PEBP4: variants seen among roughly 807,000 people sequenced by gnomAD.
The protein encoded by PEBP4 is phosphatidylethanolamine-binding protein 4.
In PEBP4, 22 loss-of-function variants were observed where a neutral mutation model predicts 23.9. The ratio of observed to expected loss-of-function variants is 0.92; its 90% CI spans 0.66 to 1.31. PEBP4 has a LOEUF of 1.31. Among genes scored for constraint, PEBP4 ranks in the 40% most tolerant of loss-of-function variants. The pLI, the probability that PEBP4 is intolerant of heterozygous loss-of-function variation, is 0.00. For missense variants in PEBP4, 324 were observed against 281.7 expected, an observed-to-expected ratio of 1.15 and a Z score of -1.07; for synonymous variants, 112 against 99.3, an observed-to-expected ratio of 1.13 and a Z score of -0.76.
At chr8:22,919,717 G>A (rs1252858029) in intron 3 of PEBP4, among the ~76,000 whole-genome samples, 3 of 152,190 alleles carry the variant, frequency 2.0e-5, no homozygotes, top group Admixed American at 6.5e-5. Context: ...TGCCTGTTTA[G>A]GCAACTTGGG....
At chr8:22,916,222 CT>C (rs1488658882) in intron 3 of PEBP4, among the ~76,000 whole-genome samples, 2 of 152,234 alleles carry the variant, frequency 1.3e-5, no homozygotes, top group African/African-American at 2.4e-5. Flanking sequence ...AGGATTCCAG[CT>C]GGCGAAATTT....
At chr8:22,808,584 C>T (rs1429319087) in intron 4 of PEBP4, among the ~76,000 whole-genome samples, 1 of 152,200 alleles carries the variant, frequency 6.6e-6, no homozygotes, top group Admixed American at 6.5e-5. Context: ...GACTGACTAA[C>T]TCAGTCTGGG....
intron 4 of PEBP4, among the ~76,000 whole-genome samples, chr8:22,785,518 C>T (rs1167010014): frequency 6.6e-6 from 1 of 152,184 alleles, no homozygotes; most frequent in East Asian, 1.9e-4. Flanking sequence ...TGGCTTGGGA[C>T]AGATCCGCCA....
rs1014169497 is a variant in PEBP4, at chr8:22,746,458, G to A, written c.358-19238C>T. On this transcript the variant is annotated intron_variant, in intron 4 of 6. Coordinates refer to ENST00000256404, the MANE Select transcript of PEBP4 (RefSeq NM_144962.3). ...CGGTGGGGAGAGTGTTAGTCTCCTCGCGTTTGGTCAGATCTCAGCCAGAGA... is the reference window on the plus strand; with the variant it reads ...CGGTGGGGAGAGTGTTAGTCTCCTCACGTTTGGTCAGATCTCAGCCAGAGA... Among the ~76,000 whole-genome samples the A allele has an allele frequency of 1.9e-4, 29 of 152,186 alleles. No individual in the cohort carries two copies. The East Asian group carries it at 4.8e-3, about 25-fold the overall frequency.
intron 4 of PEBP4, among the ~76,000 whole-genome samples, chr8:22,808,152 T>A (rs1806542401): frequency 6.7e-6 from 1 of 149,598 alleles, no homozygotes; most frequent in Non-Finnish European, 1.5e-5. Flanking sequence ...CATCACTCCA[T>A]CCATCCATCT....
chr8:22,861,367 A>G (rs1807775769), intron 3 of PEBP4, among the ~76,000 whole-genome samples: 1 of 152,244 alleles, frequency 6.6e-6, no homozygotes. Flanking sequence ...AATCCTCACA[A>G]CAAGCCTAAG....
chr8:22,770,029 C>T (rs1260241642), intron 4 of PEBP4, among the ~76,000 whole-genome samples: 3 of 152,178 alleles, frequency 2.0e-5, no homozygotes, highest in Admixed American at 1.3e-4. Flanking sequence ...CTATGCCACG[C>T]TAACCTTCTC....
chr8:22,837,888 TTC>T (rs2063768642), intron 3 of PEBP4, among the ~76,000 whole-genome samples: 6 of 143,474 alleles, frequency 4.2e-5, no homozygotes, highest in Non-Finnish European at 6.0e-5. Context: ...GATTATTATA[TTC>T]TTTTTTTTTT....
chr8:22,882,472 A>T (rs754393343), intron 3 of PEBP4, among the ~76,000 whole-genome samples: 13 of 152,132 alleles, frequency 8.5e-5, no homozygotes, highest in Admixed American at 2.0e-4. Flanking sequence ...ATGTACCACG[A>T]CTTTTTGTCA....
At chr8:22,783,179 C>A (rs1200095306) in intron 4 of PEBP4, among the ~76,000 whole-genome samples, 1 of 152,258 alleles carries the variant, frequency 6.6e-6, no homozygotes, top group East Asian at 1.9e-4. Context: ...CTGTCTCCCC[C>A]ATTCCAACCT....
rs115624919 is a variant in PEBP4 at position 22,753,678 on chromosome 8, T to G, written c.358-26458A>C. On this transcript the variant is annotated intron_variant, in intron 4 of 6. Transcript: ENST00000256404. ...TCCACCTTGCTGAAGCCCTTCCTGG[T>G]CCACCACTCCTTGTGGAGGAGAGGG... 6.4e-3 allele frequency among the ~76,000 whole-genome samples: 970 copies of G among 152,286 alleles called. 14 individuals are homozygous for G. The highest frequency in any genetic ancestry group is 0.023 in the African/African-American group (940 of 41,556).
rs116083960 is a variant in PEBP4, at chr8:22,763,720, G to A, written c.358-36500C>T. ...TGTTAGAAAGTTTGCCTTCTCAACC[G>A]AGCTCTTTCTCCCCCAAACAACTAC... On this transcript the variant is annotated intron_variant, in intron 4 of 6. Transcript: ENST00000256404. Among the ~76,000 whole-genome samples the A allele has an allele frequency of 9.5e-3, 1,441 of 152,202 alleles. 22 individuals are homozygous for A. The highest frequency in any genetic ancestry group is 0.032 in the African/African-American group (1,326 of 41,512).
chr8:22,937,331 ACT>A (rs1260171439), intron 1 of PEBP4, among the ~76,000 whole-genome samples: 2 of 152,172 alleles, frequency 1.3e-5, no homozygotes, highest in Non-Finnish European at 2.9e-5. Flanking sequence ...TAGGAAAACA[ACT>A]CTGTTTATGA....
At chr8:22,904,246 C>T (rs931222448) in intron 3 of PEBP4, among the ~76,000 whole-genome samples, 16 of 152,154 alleles carry the variant, frequency 1.1e-4, no homozygotes, top group Admixed American at 3.9e-4. Flanking sequence ...CAGGGCTCTC[C>T]GTACCTGGAA....
At chr8:22,906,751 G>A (rs1408172302) in intron 3 of PEBP4, among the ~76,000 whole-genome samples, 1 of 152,212 alleles carries the variant, frequency 6.6e-6, no homozygotes, top group African/African-American at 2.4e-5. Context: ...TATTTACTAA[G>A]TGCCTACCAT....
In PEBP4 at chr8:22,750,529, T is replaced by G. The variant is rs1585252810; in HGVS notation, c.358-23309A>C. On this transcript the variant is annotated intron_variant, in intron 4 of 6. Coordinates refer to ENST00000256404, the MANE Select transcript of PEBP4 (RefSeq NM_144962.3). ...CTTCCAAAATCAAGGTGGATGGTTCTGGGCACATGGCTGGTGCTTTTTAGG... is the reference window on the plus strand; with the variant it reads ...CTTCCAAAATCAAGGTGGATGGTTCGGGGCACATGGCTGGTGCTTTTTAGG... 2.0e-5 allele frequency among the ~76,000 whole-genome samples: 3 copies of G among 152,388 alleles called. No homozygotes were observed. The South Asian group carries it at 6.2e-4, about 32-fold the overall frequency.
At chr8:22,830,116 T>TGTGC (rs1300278937) in intron 3 of PEBP4, among the ~76,000 whole-genome samples, 9 of 148,664 alleles carry the variant, frequency 6.1e-5, no homozygotes, top group Non-Finnish European at 1.2e-4. Context: ...TGTGGTTTTG[T>TGTGC]GTGTGTGTGT....
intron 3 of PEBP4, among the ~76,000 whole-genome samples, chr8:22,900,481 T>C (rs1808690227): frequency 6.6e-6 from 1 of 152,016 alleles, no homozygotes; most frequent in South Asian, 2.1e-4. Context: ...AAACCCTGTC[T>C]CTACTAAAAA....
At chr8:22,781,180 A>G (rs996655119) in intron 4 of PEBP4, among the ~76,000 whole-genome samples, 1 of 152,206 alleles carries the variant, frequency 6.6e-6, no homozygotes, top group Admixed American at 6.5e-5. Context: ...AGGCCCCAGC[A>G]TCTCCTTGTT....
Sources: gnomAD v4.1 joint callset for allele counts (sites outside exome capture counted in the v4.1 genomes callset) on GRCh38, gnomAD v4.1.1 for gene constraint, MANE v1.5 for transcripts, NCBI Gene and HGNC (gene_info 2026-07-23, HGNC 2026-07-21) for gene names.